LRBA: variants seen among roughly 807,000 people sequenced by gnomAD.
LRBA encodes LPS responsive beige-like anchor protein, also known as lipopolysaccharide-responsive and beige-like anchor protein.
Under a neutral mutation model 330.0 loss-of-function variants are expected in LRBA, and 176 were observed. That is an observed-to-expected ratio of 0.53 (90% CI 0.47 to 0.60). The LOEUF is 0.60. Among genes scored for constraint, LRBA ranks in the 20% least tolerant of loss-of-function variants. The probability of loss-of-function intolerance (pLI) is 0.00; values close to 1 mark genes in which losing one functional copy is unlikely to be tolerated. For missense variants in LRBA, 3,259 were observed against 3,444.8 expected (o/e 0.95, Z 1.35); for synonymous variants, 1,230 against 1,193.0 (o/e 1.03, Z -0.64).
At chr4:150,877,186 A>C (rs1290846122) in intron 17 of LRBA, among the ~76,000 whole-genome samples, 4 of 150,930 alleles carry the variant, frequency 2.7e-5, no homozygotes, top group Non-Finnish European at 5.9e-5. Context: ...TGAACCTGGG[A>C]GGCAGAGCTT....
intron 48 of LRBA, among the ~76,000 whole-genome samples, chr4:150,345,309 G>GA (rs1180403379): frequency 6.6e-6 from 1 of 152,088 alleles, no homozygotes; most frequent in Admixed American, 6.6e-5. Flanking sequence ...AAAGGTTGTT[G>GA]AAAAAATGAA....
intron 47 of LRBA, among the ~76,000 whole-genome samples, chr4:150,365,588 T>A (rs1739343151): frequency 6.6e-6 from 1 of 152,002 alleles, no homozygotes; most frequent in African/African-American, 2.4e-5. Flanking sequence ...GGTCAAGAGT[T>A]CGAGACCAGC....
At position 150,432,774 on chromosome 4, in the gene LRBA, A is replaced by G. The variant is rs191643898; in HGVS notation, c.7041+2815T>C. On this transcript the variant is annotated intron_variant, in intron 46 of 56. Transcript: ENST00000651943. ...TTTAAATATACTTTCTAAGGTGCCA[A>G]AATATAACATTTTAAAAATAAACAG... 6.5e-3 allele frequency among the ~76,000 whole-genome samples: 982 copies of G among 152,188 alleles called. 14 individuals are homozygous for G. The highest frequency in any genetic ancestry group is 0.022 in the African/African-American group (927 of 41,542).
rs548524171 is a variant in LRBA, at chr4:150,431,310, T to C, written c.7041+4279A>G. Among the ~76,000 whole-genome samples the C allele has an allele frequency of 2.9e-4, 44 of 152,346 alleles. No homozygotes were observed. The South Asian group carries it at 3.5e-3, about 12-fold the overall frequency. ...AAGATTACAGATTGTTGCTACTAAT[T>C]GTCTGTTTATTTTTAGATGAAGTAC... On this transcript the variant is annotated intron_variant, in intron 46 of 56. Transcript: ENST00000651943.
chr4:150,841,422 T>C (rs1024607004), intron 28 of LRBA, among the ~76,000 whole-genome samples: 7 of 152,186 alleles, frequency 4.6e-5, no homozygotes, highest in African/African-American at 1.4e-4. Flanking sequence ...ATTGAATACT[T>C]ACCGTAGGCC....
At chr4:150,906,472 G>C (rs892501611) in intron 11 of LRBA, 67 bp from the exon 12 acceptor site, 1 of 827,286 alleles carries the variant, frequency 1.2e-6, no homozygotes, top group East Asian at 2.6e-5. Flanking sequence ...AGGTTAGATA[G>C]ATGTAACCCT....
chr4:150,551,196 C>A (rs920234194), intron 40 of LRBA, among the ~76,000 whole-genome samples: 1 of 152,146 alleles, frequency 6.6e-6, no homozygotes. Context: ...GGTACTGGCA[C>A]CATGCTCTTA....
intron 46 of LRBA, among the ~76,000 whole-genome samples, chr4:150,425,956 G>C (rs1749542255): frequency 6.6e-6 from 1 of 151,794 alleles, no homozygotes; most frequent in Non-Finnish European, 1.5e-5. Context: ...CTGAAAAAAT[G>C]ATTTAAAAAA....
intron 47 of LRBA, among the ~76,000 whole-genome samples, chr4:150,374,704 C>G (rs1209604866): frequency 2.0e-5 from 3 of 152,088 alleles, no homozygotes; most frequent in Admixed American, 6.5e-5. Flanking sequence ...AAGTATAGTG[C>G]AAATATTCCA....
At chr4:150,573,972 T>C (rs750757615) in intron 40 of LRBA, among the ~76,000 whole-genome samples, 2 of 152,140 alleles carry the variant, frequency 1.3e-5, no homozygotes, top group Non-Finnish European at 2.9e-5. Flanking sequence ...TTTAAGTTAA[T>C]TGTGAATGGG....
chr4:150,529,492 T>G (rs1182075412), intron 40 of LRBA, among the ~76,000 whole-genome samples: 1 of 151,936 alleles, frequency 6.6e-6, no homozygotes, highest in Non-Finnish European at 1.5e-5. Flanking sequence ...CCAAGGCGGG[T>G]GGATCACGAG....
intron 40 of LRBA, among the ~76,000 whole-genome samples, chr4:150,492,369 T>C (rs1759070257): frequency 6.6e-6 from 1 of 152,104 alleles, no homozygotes; most frequent in South Asian, 2.1e-4. Context: ...AGTTTTGAAA[T>C]GGATGAGAGA....
At chr4:150,445,736 C>T (rs1488463234) in intron 44 of LRBA, among the ~76,000 whole-genome samples, 1 of 152,094 alleles carries the variant, frequency 6.6e-6, no homozygotes, top group Non-Finnish European at 1.5e-5. Context: ...ACAGCCATAG[C>T]TCACTGCAGC....
intron 46 of LRBA, among the ~76,000 whole-genome samples, chr4:150,428,849 A>G (rs1749988284): frequency 1.3e-5 from 2 of 152,302 alleles, no homozygotes; most frequent in African/African-American, 4.8e-5. Flanking sequence ...CCGAAACATA[A>G]GACCAATTAA....
chr4:150,517,276 C>G (rs1762450606), intron 40 of LRBA, among the ~76,000 whole-genome samples: 1 of 152,142 alleles, frequency 6.6e-6, no homozygotes, highest in South Asian at 2.1e-4. Flanking sequence ...AATCCCAACA[C>G]TTTAGGAGGC....
intron 34 of LRBA, among the ~76,000 whole-genome samples, chr4:150,776,165 T>C (rs1368844330): frequency 6.6e-6 from 1 of 152,012 alleles, no homozygotes; most frequent in Non-Finnish European, 1.5e-5. Flanking sequence ...GAAACAGTAA[T>C]TCATGGCTGG....
At chr4:150,988,504 T>C (rs1229045638) in intron 2 of LRBA, among the ~76,000 whole-genome samples, 1 of 152,208 alleles carries the variant, frequency 6.6e-6, no homozygotes, top group Admixed American at 6.5e-5. Flanking sequence ...TTGATAATGA[T>C]TAAAGCTGGC....
At chr4:150,493,824 C>A (rs1054388734) in intron 40 of LRBA, among the ~76,000 whole-genome samples, 8 of 152,094 alleles carry the variant, frequency 5.3e-5, no homozygotes, top group African/African-American at 1.9e-4. Flanking sequence ...AAACAAGAGC[C>A]AGGGCCAGTA....
At chr4:150,507,454 C>A (rs964401924) in intron 40 of LRBA, among the ~76,000 whole-genome samples, 5 of 151,696 alleles carry the variant, frequency 3.3e-5, no homozygotes, top group Admixed American at 2.6e-4. Flanking sequence ...CTTTGACAAA[C>A]CTGAGAAAAA....
Sources: allele counts gnomAD v4.1 joint callset (sites outside exome capture counted in the v4.1 genomes callset), GRCh38; gene constraint gnomAD v4.1.1; transcripts MANE v1.5; gene names NCBI Gene and HGNC (gene_info 2026-07-23, HGNC 2026-07-21).